FAM151B: variants seen among roughly 807,000 people sequenced by gnomAD.
The protein encoded by FAM151B is protein FAM151B.
Under a neutral mutation model 31.2 loss-of-function variants are expected in FAM151B, and 24 were observed. That is an observed-to-expected ratio of 0.77 (90% confidence interval 0.56 to 1.08). The LOEUF is 1.08. Among genes scored for constraint, FAM151B ranks in the 50% least tolerant of loss-of-function variants. The pLI, the probability that FAM151B is intolerant of heterozygous loss-of-function variation, is 0.00. For synonymous variants in FAM151B, 105 were observed against 111.4 expected (o/e 0.94, Z 0.36); for missense variants, 293 against 328.6 (o/e 0.89, Z 0.84).
intron 5 of FAM151B, among the ~76,000 whole-genome samples, chr5:80,533,982 A>G (rs768683329): frequency 5.9e-5 from 9 of 152,174 alleles, no homozygotes; most frequent in Non-Finnish European, 1.0e-4. Flanking sequence ...GTGAGCAACT[A>G]TATGCCAATA....
rs555665990 is a variant in FAM151B at position 80,497,962 on chromosome 5, T to A, written c.26-3830T>A. 2.4e-3 allele frequency among the ~76,000 whole-genome samples: 371 copies of A among 152,248 alleles called. 2 individuals carry two copies. Among genetic ancestry groups the A allele is most frequent in the South Asian group, 6.2e-3 (30 of 4,830 alleles). On this transcript the variant is annotated intron_variant, in intron 1 of 5. Transcript: ENST00000282226. ...AAAAAATAAATAAATAAATAAAAAG[T>A]GCTGTGGAAATATCCAATATGAACC...
At chr5:80,514,406 C>T (rs555150887) in intron 3 of FAM151B, among the ~76,000 whole-genome samples, 94 of 150,862 alleles carry the variant, frequency 6.2e-4, no homozygotes, top group Admixed American at 1.3e-3. Flanking sequence ...ACCTGGGAGG[C>T]GGAGGTTGCA....
intron 2 of FAM151B, among the ~76,000 whole-genome samples, chr5:80,504,858 G>T (rs193238950): frequency 2.6e-5 from 4 of 152,048 alleles, no homozygotes; most frequent in Admixed American, 6.6e-5. Flanking sequence ...TGATAAAGGA[G>T]ACCTACAACC....
rs191514548 is a variant in FAM151B at position 80,531,895 on chromosome 5, C to T, written c.671+9757C>T. Among the ~76,000 whole-genome samples the T allele has an allele frequency of 4.7e-3, 721 of 152,036 alleles. 3 individuals carry two copies. The highest frequency in any genetic ancestry group is 0.016 in the African/African-American group (667 of 41,500). ...AGCCATCTCATTACTGGGTATATAC[C>T]CAAAGGATTATAAGTCATGCAGCTA... On this transcript the variant is annotated intron_variant, in intron 5 of 5. Coordinates refer to ENST00000282226, the MANE Select transcript of FAM151B (RefSeq NM_205548.3).
intron 3 of FAM151B, among the ~76,000 whole-genome samples, chr5:80,514,617 G>A (rs926430114): frequency 2.0e-5 from 3 of 151,894 alleles, no homozygotes; most frequent in African/African-American, 7.3e-5. Flanking sequence ...TTTTAGCAGT[G>A]TAAAAATGAT....
chr5:80,504,743 C>A (rs111823304), intron 2 of FAM151B, among the ~76,000 whole-genome samples: 1 of 152,094 alleles, frequency 6.6e-6, no homozygotes, highest in Non-Finnish European at 1.5e-5. Context: ...TGGTCTCCAT[C>A]TCCTGATCTC....
chr5:80,488,611 C>T (rs981672497), intron 1 of FAM151B, among the ~76,000 whole-genome samples: 3 of 152,226 alleles, frequency 2.0e-5, no homozygotes, highest in Non-Finnish European at 2.9e-5. Flanking sequence ...CGCTTGATTC[C>T]CCTTGGAATC....
intron 1 of FAM151B, among the ~76,000 whole-genome samples, chr5:80,500,164 T>G (rs191738650): frequency 6.6e-6 from 1 of 152,070 alleles, no homozygotes; most frequent in South Asian, 2.1e-4. Context: ...AGAAAAATAG[T>G]GTATGATCTC....
intron 1 of FAM151B, chr5:80,498,995 C>T (rs1379937615): frequency 2.1e-5 from 4 of 192,678 alleles, no homozygotes; most frequent in Non-Finnish European, 4.3e-5. Flanking sequence ...GTGGCAGCTC[C>T]ACCACAGATG....
At chr5:80,535,075 A>G (rs1336451696) in intron 5 of FAM151B, among the ~76,000 whole-genome samples, 2 of 151,794 alleles carry the variant, frequency 1.3e-5, no homozygotes, top group Non-Finnish European at 2.9e-5. Context: ...TTAAAACTAT[A>G]AAACACTGGT....
intron 5 of FAM151B, among the ~76,000 whole-genome samples, chr5:80,535,180 G>A (rs1042711704): frequency 6.6e-6 from 1 of 152,174 alleles, no homozygotes; most frequent in East Asian, 1.9e-4. Context: ...ACTACCTAAA[G>A]CAATCTGTAG....
chr5:80,497,107 A>G (rs1743576067), intron 1 of FAM151B, among the ~76,000 whole-genome samples: 1 of 149,730 alleles, frequency 6.7e-6, no homozygotes, highest in Admixed American at 6.6e-5. Context: ...CACCATGCCC[A>G]GCCTAATTTT....
In FAM151B at chr5:80,519,958, A is replaced by G. The variant is rs765803645; in HGVS notation, c.535+48A>G. On this transcript the variant is annotated intron_variant, in intron 4 of 5. Transcript: ENST00000282226. ...TCTTGGTCAAATTAAAATATCCTCC[A>G]GGTATAAAAATAACATCTTTAATAC... The G allele has an allele frequency of 1.3e-5, 20 of 1,534,258 alleles. No homozygotes were observed. In the Admixed American group the frequency reaches 3.4e-4, roughly 26 times the overall value.
chr5:80,522,009 G>T lies in FAM151B; in HGVS notation c.542G>T (p.Ser181Ile), dbSNP rs746747618. The change falls in exon 5 of 6, where the codon AGT (serine) becomes ATT (isoleucine). Residue 181 changes from serine (S) to isoleucine (I), a missense_variant. Ser to Ile is a moderately radical substitution (Grantham distance 142). Coordinates refer to ENST00000282226, the MANE Select transcript of FAM151B (RefSeq NM_205548.3). ...WHPEKVNEGY[S>I]WTMVKEMEYI... The stretch of plus-strand genomic sequence containing the variant: ...TTTTTTCTTTTCTTTTAAGGGTACA[G>T]TTGGACAATGGTGAAAGAGATGGAA... 5.7e-6 allele frequency: 9 copies of T among 1,579,314 alleles called. No homozygotes were observed. Among genetic ancestry groups the T allele is most frequent in the Non-Finnish European group, 6.9e-6 (8 of 1,155,624 alleles).
intron 1 of FAM151B, among the ~76,000 whole-genome samples, chr5:80,491,837 T>C (rs561787373): frequency 1.3e-5 from 2 of 152,358 alleles, no homozygotes; most frequent in African/African-American, 4.8e-5. Flanking sequence ...CCCCATTGTG[T>C]ATCTATACCA....
At chr5:80,525,866 G>A (rs192804176) in intron 5 of FAM151B, among the ~76,000 whole-genome samples, 3 of 100,146 alleles carry the variant, frequency 3.0e-5, no homozygotes, top group African/African-American at 8.2e-5. Flanking sequence ...ATGAAACAGT[G>A]CCTGTATGCA....
chr5:80,539,085 T>G (rs1178138113), intron 5 of FAM151B, among the ~76,000 whole-genome samples: 1 of 151,722 alleles, frequency 6.6e-6, no homozygotes, highest in Admixed American at 6.6e-5. Context: ...TATTTATGTA[T>G]GTACTATAAT....
At chr5:80,540,913 GA>G (rs995876760) in intron 5 of FAM151B, among the ~76,000 whole-genome samples, 1 of 152,104 alleles carries the variant, frequency 6.6e-6, no homozygotes, top group South Asian at 2.1e-4. Context: ...ATCATTAGTA[GA>G]AAAAATGCTT....
rs2112606284 is a variant in FAM151B at position 80,501,464 on chromosome 5, T to TA, written c.26-328_26-327insA. On this transcript the variant is annotated intron_variant, in intron 1 of 5. Coordinates refer to ENST00000282226, the MANE Select transcript of FAM151B (RefSeq NM_205548.3). Reference sequence around the variant, plus strand: ...TAGTAAACAGTACCTGCTCTCAAATTGAAAAAAAAAAAAAAAAAAAAAGAT... The same window carrying TA: ...TAGTAAACAGTACCTGCTCTCAAATTAGAAAAAAAAAAAAAAAAAAAAAGAT... 7.0e-5 allele frequency: 9 copies of TA among 128,894 alleles called. No individual in the cohort carries two copies. In the South Asian group the frequency reaches 1.2e-3, roughly 17 times the overall value. The allele number at this position is 128,894 out of a possible 1,614,324, so 8.0% of individuals were successfully genotyped here.
Sources: gnomAD v4.1 joint callset for allele counts (sites outside exome capture counted in the v4.1 genomes callset) on GRCh38, gnomAD v4.1.1 for gene constraint, MANE v1.5 for transcripts, NCBI Gene and HGNC (gene_info 2026-07-23, HGNC 2026-07-21) for gene names.